HPS1: variants seen among roughly 807,000 people sequenced by gnomAD.
HPS1 encodes the protein BLOC-3 complex member HPS1.
A neutral mutation model predicts 90.6 loss-of-function variants in HPS1; 59 were observed. That is an observed-to-expected ratio of 0.65 (90% CI 0.53 to 0.81). The LOEUF is 0.81. Ranked by LOEUF, HPS1 falls within the 30% of genes least tolerant of loss-of-function variation. The pLI is 0.00. For missense variants in HPS1, 849 were observed against 896.7 expected (o/e 0.95, Z 0.68); for synonymous variants, 388 against 384.4 (o/e 1.01, Z -0.11).
At chr10:98,414,246 C>T (rs1033593381), downstream of HPS1, 8 of 152,046 alleles carry the variant, frequency 5.3e-5, no homozygotes, top group African/African-American at 1.5e-4. Flanking sequence ...CTTTCGGTCC[C>T]GTCATTATCT....
intron 17 of HPS1, among the ~76,000 whole-genome samples, chr10:98,421,268 C>T (rs887128372): frequency 1.1e-4 from 16 of 152,236 alleles, no homozygotes; most frequent in African/African-American, 3.6e-4. Context: ...TAAAAACATT[C>T]CTCCCATCTG....
rs1336303424 is a variant in HPS1 at position 98,416,836 on chromosome 10, G to C, written c.*728C>G. 1.3e-5 allele frequency: 2 copies of C among 152,360 alleles called. No homozygotes were observed. The highest frequency in any genetic ancestry group is 2.1e-4 in the South Asian group (1 of 4,832). The allele number at this position is 152,360 out of a possible 1,614,324, so 9.4% of individuals were successfully genotyped here. ...GGTTCTCAATCCAGGGCGCACCACAGAAGCTTTGAAAGACATCAAAGGCTG... is the reference window on the plus strand; with the variant it reads ...GGTTCTCAATCCAGGGCGCACCACACAAGCTTTGAAAGACATCAAAGGCTG... On this transcript the variant is annotated 3_prime_UTR_variant, in exon 20 of 20. Coordinates refer to ENST00000361490, the MANE Select transcript of HPS1 (RefSeq NM_000195.5).
intron 18 of HPS1, among the ~76,000 whole-genome samples, chr10:98,419,522 C>G (rs1401262168): frequency 1.3e-5 from 2 of 152,102 alleles, no homozygotes; most frequent in Non-Finnish European, 2.9e-5. Flanking sequence ...GTAAGCTCCC[C>G]CCACTGGACC....
intron 10 of HPS1, 27 bp from the exon 11 acceptor site, chr10:98,427,291 G>C (rs555378491): frequency 2.6e-6 from 4 of 1,538,252 alleles, no homozygotes; most frequent in Non-Finnish European, 3.5e-6. Context: ...ATAACATAAC[G>C]ATGTAAGTAC....
chr10:98,439,780 G>C (rs1938081751), intron 3 of HPS1, among the ~76,000 whole-genome samples: 1 of 152,158 alleles, frequency 6.6e-6, no homozygotes, highest in South Asian at 2.1e-4. Context: ...TCCTGGGGCA[G>C]AATGATATGA....
chr10:98,434,455 C>T (rs556765390), intron 5 of HPS1, among the ~76,000 whole-genome samples: 50 of 150,114 alleles, frequency 3.3e-4, no homozygotes, highest in African/African-American at 1.2e-3. Context: ...GGGTCGCAGC[C>T]ATCTCGGATG....
In HPS1 at chr10:98,435,429, A is replaced by G. The variant is rs777679892; in HGVS notation, c.256-15T>C. On this transcript the variant is annotated splice_polypyrimidine_tract_variant and intron_variant, in intron 4 of 19. Transcript: ENST00000361490. This position sits in a 1 kb window ranked among gnomAD's most constrained non-coding sequence, Gnocchi z 4.3. ...CATTCTCCAAACTGCAGGCACAGGC[A>G]GGCCAGTGTCAGCCAGCCCCAAGGG... is the stretch of plus-strand genomic sequence containing the variant. 2.5e-6 allele frequency: 4 copies of G among 1,613,686 alleles called. No individual in the cohort carries two copies. The highest frequency in any genetic ancestry group is 3.4e-6 in the Non-Finnish European group (4 of 1,180,028).
intron 1 of HPS1, among the ~76,000 whole-genome samples, chr10:98,446,605 T>C (rs1939629099): frequency 6.6e-6 from 1 of 152,126 alleles, no homozygotes; most frequent in African/African-American, 2.4e-5. Context: ...CCAGTTTCTG[T>C]CCAGTTTCAC....
chr10:98,446,135 A>C (rs1939478466), intron 1 of HPS1, among the ~76,000 whole-genome samples: 1 of 150,328 alleles, frequency 6.7e-6, no homozygotes, highest in Non-Finnish European at 1.5e-5. Flanking sequence ...GAAGTCAAGC[A>C]CTGTGAGCCA....
chr10:98,442,072 CA>C (rs1205390606), intron 3 of HPS1, among the ~76,000 whole-genome samples: 12 of 152,188 alleles, frequency 7.9e-5, no homozygotes, highest in Non-Finnish European at 1.5e-5. Flanking sequence ...GAAAATAACA[CA>C]GATGTCCATC....
intron 17 of HPS1, among the ~76,000 whole-genome samples, chr10:98,421,660 GTGA>G (rs1383988723): frequency 6.6e-6 from 1 of 152,188 alleles, no homozygotes; most frequent in Non-Finnish European, 1.5e-5. Flanking sequence ...GATGAAGATG[GTGA>G]TGATGATGCC....
At chr10:98,419,536 C>T (rs1368678544) in intron 18 of HPS1, among the ~76,000 whole-genome samples, 1 of 152,100 alleles carries the variant, frequency 6.6e-6, no homozygotes, top group Non-Finnish European at 1.5e-5. Context: ...CTGGACCCTA[C>T]TCTGCAGTAA....
intron 10 of HPS1, 90 bp downstream of exon 10, chr10:98,429,483 G>A (rs892840768): frequency 7.5e-6 from 12 of 1,606,168 alleles, no homozygotes; most frequent in Middle Eastern, 1.6e-4. Flanking sequence ...TAGGAGGCAC[G>A]GGGGTCCACT....
At chr10:98,443,867 T>C (rs902454390) in intron 2 of HPS1, among the ~76,000 whole-genome samples, 18 of 152,092 alleles carry the variant, frequency 1.2e-4, no homozygotes, top group Admixed American at 5.2e-4. Context: ...ACCCCGTCTC[T>C]ACTAAAAATA....
rs746419083 is a variant in HPS1, at chr10:98,443,181, C to T, written c.60G>A (p.Gln20=). The stretch of plus-strand genomic sequence containing the variant: ...TCAGCCGGAGACTCTCTTCAAACTC[C>T]TGATCTGTCCAGTAGAAGAGGACCT... ...GAEVLFYWTD[Q]EFEESLRLKF... The change falls in exon 3 of 20, where the codon CAG becomes CAA. Residue 20 remains glutamine (Q), a synonymous_variant. Coordinates refer to ENST00000361490, the MANE Select transcript of HPS1 (RefSeq NM_000195.5). 2 of 1,614,124 alleles carry T rather than the reference C, an allele frequency of 1.2e-6. No individual in the cohort carries two copies. The highest frequency in any genetic ancestry group is 1.1e-5 in the South Asian group (1 of 91,066).
rs138043631 is a variant in HPS1 at position 98,426,926 on chromosome 10, T to TA, written c.987+288dup. ...TCTACAATAAATATACATGCTCACT[T>TA]AAAAAAAAAATTCTATTGGACTTTC... is the stretch of plus-strand genomic sequence containing the variant. On this transcript the variant is annotated intron_variant, in intron 11 of 19. Coordinates refer to ENST00000361490, the MANE Select transcript of HPS1 (RefSeq NM_000195.5). Among the ~76,000 whole-genome samples the TA allele has an allele frequency of 6.4e-3, 958 of 150,618 alleles. 3 individuals are homozygous for TA. Among genetic ancestry groups the TA allele is most frequent in the Non-Finnish European group, 0.01 (693 of 67,510 alleles).
intron 17 of HPS1, among the ~76,000 whole-genome samples, chr10:98,421,179 C>T (rs953788953): frequency 3.3e-5 from 5 of 152,196 alleles, no homozygotes; most frequent in Non-Finnish European, 7.3e-5. Context: ...ACTGCATCGC[C>T]GTGTGATTAC....
rs779799531 is a variant in HPS1 at position 98,420,208 on chromosome 10, G to A, written c.1744-50C>T. 3 of 1,364,736 alleles carry A rather than the reference G, an allele frequency of 2.2e-6. No homozygotes were observed. In the Admixed American group the frequency reaches 5.0e-5, roughly 23 times the overall value. 84.5% of individuals were successfully genotyped at this position (1,364,736 alleles called of 1,614,324 possible). On this transcript the variant is annotated intron_variant, in intron 17 of 19. Coordinates refer to ENST00000361490, the MANE Select transcript of HPS1 (RefSeq NM_000195.5). ...CCACTCTCCCAGCCTTGGTCTGCCT[G>A]GGCAGCTCTCACCTCCGAAGGAAGG...
chr10:98,425,960 A>G lies in HPS1; in HGVS notation c.1013T>C (p.Leu338Pro). ...LQIAEDTLQT[L>P]VPHCPVPSGP... Reference sequence around the variant, plus strand: ...GGAAGGCACAGGGCAGTGGGGAACCAGTGTTTGGAGGGTGTCCTCTGCTAT... The same window carrying G: ...GGAAGGCACAGGGCAGTGGGGAACCGGTGTTTGGAGGGTGTCCTCTGCTAT... Residue 338 changes from leucine (L) to proline (P), a missense_variant, in exon 12 of 20, where the codon CTG becomes CCG. Coordinates refer to ENST00000361490, the MANE Select transcript of HPS1 (RefSeq NM_000195.5). 1 of 1,614,074 alleles carries G rather than the reference A, an allele frequency of 6.2e-7. No individual in the cohort carries two copies. Among genetic ancestry groups the G allele is most frequent in the South Asian group, 1.1e-5 (1 of 91,082 alleles).
Sources: gnomAD v4.1 joint callset for allele counts (sites outside exome capture counted in the v4.1 genomes callset) on GRCh38, gnomAD v4.1.1 for gene constraint, Gnocchi (gnomAD v3.1) non-coding constraint, MANE v1.5 for transcripts, NCBI Gene and HGNC (gene_info 2026-07-23, HGNC 2026-07-21) for gene names.